The following CYFIP2 variants were observed in gnomAD, a reference collection of about 807,000 sequenced individuals.
CYFIP2 encodes cytoplasmic FMR1-interacting protein 2.
In CYFIP2, 29 loss-of-function variants were observed where a neutral mutation model predicts 158.7. The observed-to-expected ratio is 0.18, with a 90% CI of 0.14 to 0.25. CYFIP2 has a LOEUF of 0.25. Ranked by LOEUF, CYFIP2 falls within the 10% of genes least tolerant of loss-of-function variation. The pLI is 1.00. For synonymous variants in CYFIP2, 585 were observed against 617.6 expected, an observed-to-expected ratio of 0.95 and a Z score of 0.78; for missense variants, 852 against 1,639.5, an observed-to-expected ratio of 0.52 and a Z score of 8.29.
rs1321231867 is a variant in CYFIP2 at position 157,340,967 on chromosome 5, G to C, written c.2586-103G>C. On this transcript the variant is annotated intron_variant, in intron 22 of 30. Transcript: ENST00000620254. The stretch of plus-strand genomic sequence containing the variant: ...CCTAACAAACAGTGCACTTGTACCA[G>C]TGCAAACCTTCACCTGGCCAGGAAG... 23 of 1,056,044 alleles carry C rather than the reference G, an allele frequency of 2.2e-5. No individual in the cohort carries two copies. The East Asian group carries it at 5.6e-4, about 26-fold the overall frequency. The allele number at this position is 1,056,044 out of a possible 1,614,324, so 65.4% of individuals were successfully genotyped here. A position where few individuals can be genotyped will look rare whatever the true frequency, so the allele number is the denominator to read the frequency against.
chr5:157,295,333 ACTTAATT>A (rs984430295), intron 4 of CYFIP2, among the ~76,000 whole-genome samples: 4 of 152,248 alleles, frequency 2.6e-5, no homozygotes, highest in African/African-American at 4.8e-5. Flanking sequence ...TTTTTTCCCC[ACTTAATT>A]CTTAATTACT....
chr5:157,292,911 T>C (rs1233898219), intron 3 of CYFIP2, among the ~76,000 whole-genome samples: 1 of 152,188 alleles, frequency 6.6e-6, no homozygotes, highest in African/African-American at 2.4e-5. Flanking sequence ...TTATTATTAT[T>C]ATCATGATTT....
At position 157,287,028 on chromosome 5, in the gene CYFIP2, G is replaced by T; in HGVS notation, c.127G>T (p.Asp43Tyr). The change falls in exon 3 of 31, where the codon GAC (aspartate) becomes TAC (tyrosine). Residue 43 changes from aspartate (D) to tyrosine (Y), a missense_variant. By Grantham distance (160) the Asp-to-Tyr change is radical. This residue lies in a region of CYFIP2 where 123 missense variants were observed against 316.7 expected (regional missense o/e 0.39). Transcript: ENST00000620254. ...PSSIMYQANF[D>Y]TNFEDRNAFV... ...TCCTCTAATTCCACAGGCTAACTTT[G>T]ACACAAACTTTGAGGACAGGAATGC... is the stretch of plus-strand genomic sequence containing the variant. The T allele has an allele frequency of 6.2e-7, 1 of 1,613,232 alleles. No homozygotes were observed. Among genetic ancestry groups the T allele is most frequent in the South Asian group, 1.1e-5 (1 of 91,008 alleles).
chr5:157,355,938 A>G (rs1002961139), intron 23 of CYFIP2, among the ~76,000 whole-genome samples: 1 of 152,190 alleles, frequency 6.6e-6, no homozygotes, highest in Admixed American at 6.5e-5. Flanking sequence ...AGAAAATTTA[A>G]AGCATGTTTC....
At chr5:157,307,956 T>C (rs764677509) in intron 9 of CYFIP2, 91 bp downstream of exon 9, 1 of 731,496 alleles carries the variant, frequency 1.4e-6, no homozygotes, top group Non-Finnish European at 2.3e-6. Flanking sequence ...GCCAGAAAAC[T>C]GTCAGGTTTT....
At chr5:157,377,633 G>A (rs2113481019) in intron 26 of CYFIP2, among the ~76,000 whole-genome samples, 1 of 152,270 alleles carries the variant, frequency 6.6e-6, no homozygotes, top group Non-Finnish European at 1.5e-5. Context: ...AGAAAGCCTT[G>A]TGCCTATTAT....
intron 10 of CYFIP2, 55 bp downstream of exon 10, chr5:157,309,889 G>A (rs1474243356): frequency 6.6e-7 from 1 of 1,507,830 alleles, no homozygotes; most frequent in African/African-American, 1.4e-5. Context: ...AGCCCGGGCA[G>A]AGAGCCGAGG....
intron 26 of CYFIP2, among the ~76,000 whole-genome samples, chr5:157,381,255 C>T (rs759052062): frequency 6.6e-6 from 1 of 151,664 alleles, no homozygotes; most frequent in Admixed American, 6.6e-5. Flanking sequence ...CTTACTCCCA[C>T]GAATTTCTTT....
At chr5:157,322,541 G>A (rs1044100150) in intron 15 of CYFIP2, among the ~76,000 whole-genome samples, 2 of 152,230 alleles carry the variant, frequency 1.3e-5, no homozygotes, top group Non-Finnish European at 2.9e-5. Flanking sequence ...AGGCCGTCAT[G>A]AGAAGAGTGC....
chr5:157,270,669 G>A (rs1033047868), intron 1 of CYFIP2, among the ~76,000 whole-genome samples: 19 of 152,190 alleles, frequency 1.2e-4, no homozygotes, highest in Non-Finnish European at 2.9e-5. Flanking sequence ...AGAGAAATGA[G>A]GACCTGCTTC....
chr5:157,357,643 A>G (rs1763502348), intron 23 of CYFIP2, among the ~76,000 whole-genome samples: 1 of 152,176 alleles, frequency 6.6e-6, no homozygotes, highest in South Asian at 2.1e-4. Context: ...AGCCTGGCCA[A>G]CATGGTGAAA....
At position 157,319,932 on chromosome 5, in the gene CYFIP2, G is replaced by A; in HGVS notation, c.1523+4G>A. The A allele has an allele frequency of 6.2e-7, 1 of 1,613,764 alleles. No individual in the cohort carries two copies. ...AGAAGAAGAATGTCCTCATCAGGTG[G>A]GTTTTCAGATGCCTTCAGGAGCATA... On this transcript the variant is annotated splice_donor_region_variant and intron_variant, in intron 14 of 30. Transcript: ENST00000620254.
At chr5:157,368,476 TC>T (rs1378553416) in intron 26 of CYFIP2, among the ~76,000 whole-genome samples, 1 of 152,178 alleles carries the variant, frequency 6.6e-6, no homozygotes, top group Non-Finnish European at 1.5e-5. Flanking sequence ...GCGTGTCCTG[TC>T]CCTTTGCCCA....
intron 23 of CYFIP2, among the ~76,000 whole-genome samples, chr5:157,348,592 A>G (rs985395826): frequency 2.0e-5 from 3 of 152,130 alleles, no homozygotes; most frequent in African/African-American, 7.2e-5. Context: ...TTGTATTTTT[A>G]GTAGAGACGG....
At chr5:157,354,849 A>G (rs1458127422) in intron 23 of CYFIP2, among the ~76,000 whole-genome samples, 1 of 152,092 alleles carries the variant, frequency 6.6e-6, no homozygotes, top group Non-Finnish European at 1.5e-5. Flanking sequence ...CCTGCTGAAC[A>G]GTTTCCATAT....
intron 1 of CYFIP2, 65 bp from the exon 2 acceptor site, chr5:157,285,274 T>G (rs1332917642): frequency 9.4e-7 from 1 of 1,064,312 alleles, no homozygotes; most frequent in Non-Finnish European, 1.4e-6. Flanking sequence ...CTGGTCATGG[T>G]GCGGTTAAGA....
chr5:157,370,067 G>A (rs568161585), intron 26 of CYFIP2, among the ~76,000 whole-genome samples: 4 of 151,990 alleles, frequency 2.6e-5, no homozygotes, highest in Non-Finnish European at 5.9e-5. Context: ...TTTTAGTAGA[G>A]ACCAGGTTTC....
intron 30 of CYFIP2, among the ~76,000 whole-genome samples, chr5:157,392,048 C>T (rs1767349459): frequency 1.3e-5 from 2 of 152,050 alleles, no homozygotes; most frequent in African/African-American, 4.8e-5. Context: ...TGTTATTGGC[C>T]ATTTGTATAT....
chr5:157,372,462 G>A (rs983415304), intron 26 of CYFIP2, among the ~76,000 whole-genome samples: 11 of 152,126 alleles, frequency 7.2e-5, no homozygotes, highest in Non-Finnish European at 5.9e-5. Context: ...CTAATATGAA[G>A]TTGAAGCGGG....
Sources: gnomAD v4.1 joint callset for allele counts (sites outside exome capture counted in the v4.1 genomes callset) on GRCh38, gnomAD v4.1.1 for gene constraint, gnomAD v4.1.1 regional missense constraint, MANE v1.5 for transcripts, NCBI Gene and HGNC (gene_info 2026-07-23, HGNC 2026-07-21) for gene names.